The following FAM110B variants were observed in gnomAD, a reference collection of about 807,000 sequenced individuals.
The protein encoded by FAM110B is protein FAM110B.
Under a neutral mutation model 20.4 loss-of-function variants are expected in FAM110B, and 6 were observed. That is an observed-to-expected ratio of 0.29 (90% CI 0.16 to 0.58). The LOEUF is 0.58. Among genes scored for constraint, FAM110B ranks in the 20% least tolerant of loss-of-function variants. FAM110B has a pLI of 0.90. For synonymous variants in FAM110B, 226 were observed against 214.1 expected (o/e 1.06, Z -0.49); for missense variants, 434 against 498.2 (o/e 0.87, Z 1.23).
At chr8:58,012,106 G>C (rs1295899451) in intron 1 of FAM110B, among the ~76,000 whole-genome samples, 1 of 152,152 alleles carries the variant, frequency 6.6e-6, no homozygotes, top group Non-Finnish European at 1.5e-5. Context: ...CAAGTAATTT[G>C]ATTAGAAAGA....
chr8:58,126,466 C>G (rs1406577271), intron 3 of FAM110B, among the ~76,000 whole-genome samples: 1 of 152,168 alleles, frequency 6.6e-6, no homozygotes, highest in African/African-American at 2.4e-5. Context: ...TTTCAAGAAA[C>G]TGCCCAGCTA....
chr8:58,012,455 T>A (rs1804557750), intron 1 of FAM110B, among the ~76,000 whole-genome samples: 1 of 152,156 alleles, frequency 6.6e-6, no homozygotes, highest in Non-Finnish European at 1.5e-5. Flanking sequence ...GTTTTAATCT[T>A]TATTTATTTA....
At chr8:58,051,206 C>A (rs1805434041) in intron 2 of FAM110B, among the ~76,000 whole-genome samples, 1 of 152,156 alleles carries the variant, frequency 6.6e-6, no homozygotes, top group African/African-American at 2.4e-5. Flanking sequence ...AGAAACCAAA[C>A]TGACTCTTGT....
At chr8:58,008,126 A>ATTTT (rs71248160) in intron 1 of FAM110B, among the ~76,000 whole-genome samples, 10 of 115,990 alleles carry the variant, frequency 8.6e-5, no homozygotes, top group South Asian at 3.0e-4. Flanking sequence ...AAAAGCTTGC[A>ATTTT]TTTTTTTTTT....
intron 1 of FAM110B, among the ~76,000 whole-genome samples, chr8:58,018,466 C>T (rs368596246): frequency 1.4e-4 from 22 of 152,088 alleles, no homozygotes; most frequent in African/African-American, 5.3e-4. Context: ...TATATTTTTT[C>T]CATTCCTTTA....
chr8:58,094,577 C>T (rs1271072286), intron 3 of FAM110B, among the ~76,000 whole-genome samples: 6 of 152,184 alleles, frequency 3.9e-5, no homozygotes, highest in Non-Finnish European at 8.8e-5. Flanking sequence ...GTTGAACCGG[C>T]CTTGCATCAC....
At chr8:58,098,720 G>A (rs1429256354) in intron 3 of FAM110B, among the ~76,000 whole-genome samples, 1 of 152,196 alleles carries the variant, frequency 6.6e-6, no homozygotes, top group Admixed American at 6.5e-5. Context: ...AAGACTGTGG[G>A]AAAAGTGTAG....
At chr8:58,094,759 C>G (rs1417036837) in intron 3 of FAM110B, among the ~76,000 whole-genome samples, 1 of 152,170 alleles carries the variant, frequency 6.6e-6, no homozygotes, top group African/African-American at 2.4e-5. Flanking sequence ...TGATGCTGTC[C>G]TCATAAAATG....
intron 1 of FAM110B, among the ~76,000 whole-genome samples, chr8:58,020,176 T>C (rs1200428780): frequency 1.3e-5 from 2 of 152,276 alleles, no homozygotes; most frequent in South Asian, 2.1e-4. Context: ...CTGAAAATGT[T>C]CCATCTCTTC....
chr8:58,121,484 AT>A (rs1373777964), intron 3 of FAM110B, among the ~76,000 whole-genome samples: 1 of 152,156 alleles, frequency 6.6e-6, no homozygotes, highest in East Asian at 1.9e-4. Flanking sequence ...TTTTAAACTC[AT>A]TTTTTGTTTG....
chr8:58,140,085 T>G lies in FAM110B; in HGVS notation c.-324-5822T>G, dbSNP rs191031059. Reference sequence around the variant, plus strand: ...ACTGTAGTTGTAGTTCTGTTTGGCTTAAGCCCAGGGTGCAGAGGAAGAAGG... The same window carrying G: ...ACTGTAGTTGTAGTTCTGTTTGGCTGAAGCCCAGGGTGCAGAGGAAGAAGG... On this transcript the variant is annotated intron_variant, in intron 3 of 3. Transcript: ENST00000519262. Among the ~76,000 whole-genome samples the G allele has an allele frequency of 1.1e-3, 162 of 152,268 alleles. 1 individual carries two copies. Among genetic ancestry groups the G allele is most frequent in the African/African-American group, 3.6e-3 (148 of 41,560 alleles).
At chr8:58,059,971 A>G (rs993172602) in intron 2 of FAM110B, among the ~76,000 whole-genome samples, 1 of 152,094 alleles carries the variant, frequency 6.6e-6, no homozygotes, top group African/African-American at 2.4e-5. Flanking sequence ...CAATTCCTTC[A>G]TGATCATTTA....
intron 1 of FAM110B, among the ~76,000 whole-genome samples, chr8:57,996,419 C>T (rs1804186259): frequency 6.6e-6 from 1 of 152,032 alleles, no homozygotes; most frequent in Non-Finnish European, 1.5e-5. Context: ...AGGTCATGAT[C>T]TATTTTAAGT....
In FAM110B at chr8:57,996,044, A is replaced by ATTAAT. The variant is rs1247087239; in HGVS notation, c.-512+1241_-512+1245dup. 3.3e-5 allele frequency among the ~76,000 whole-genome samples: 5 copies of ATTAAT among 152,322 alleles called. No individual in the cohort carries two copies. The East Asian group carries it at 5.8e-4, about 18-fold the overall frequency. Reference sequence around the variant, plus strand: ...TAGTGATTTCTGGGAAGATACTTGTATTAATTTCTTGTACTCATTTTTGTG... The same window carrying ATTAAT: ...TAGTGATTTCTGGGAAGATACTTGTATTAATTTAATTTCTTGTACTCATTTTTGTG... On this transcript the variant is annotated intron_variant, in intron 1 of 3. Coordinates refer to ENST00000519262, the MANE Select transcript of FAM110B (RefSeq NM_001377989.1).
At chr8:58,036,187 A>C (rs927041751) in intron 2 of FAM110B, among the ~76,000 whole-genome samples, 2 of 152,212 alleles carry the variant, frequency 1.3e-5, no homozygotes, top group Non-Finnish European at 2.9e-5. Flanking sequence ...GAGTGGTTTT[A>C]TCAGTGTCCT....
intron 3 of FAM110B, among the ~76,000 whole-genome samples, chr8:58,099,910 C>A (rs934689107): frequency 6.6e-6 from 1 of 152,134 alleles, no homozygotes; most frequent in Non-Finnish European, 1.5e-5. Flanking sequence ...TTCAGTCACT[C>A]TCTTCAGTCT....
At chr8:58,055,419 T>C (rs1166906725) in intron 2 of FAM110B, among the ~76,000 whole-genome samples, 1 of 152,104 alleles carries the variant, frequency 6.6e-6, no homozygotes, top group Non-Finnish European at 1.5e-5. Context: ...CTATTTGGGG[T>C]TATTTTCCTT....
chr8:58,120,618 G>T (rs1358482340), intron 3 of FAM110B, among the ~76,000 whole-genome samples: 1 of 152,210 alleles, frequency 6.6e-6, no homozygotes, highest in Non-Finnish European at 1.5e-5. Flanking sequence ...CATCCCAGAA[G>T]TGGCTACCCC....
rs547436445 is a variant in FAM110B at position 58,137,962 on chromosome 8, G to C, written c.-324-7945G>C. Among the ~76,000 whole-genome samples, 5 of 152,312 alleles carry C rather than the reference G, an allele frequency of 3.3e-5. No individual in the cohort carries two copies. The South Asian group carries it at 1.0e-3, about 32-fold the overall frequency. On this transcript the variant is annotated intron_variant, in intron 3 of 3. Transcript: ENST00000519262. ...GTTTCTCTTCTCCCAGCTCAGGGCC[G>C]CATTGGCTTGGAGACCCTGTGAAGA...
Sources: allele counts gnomAD v4.1 joint callset (sites outside exome capture counted in the v4.1 genomes callset), GRCh38; gene constraint gnomAD v4.1.1; transcripts MANE v1.5; gene names NCBI Gene and HGNC (gene_info 2026-07-23, HGNC 2026-07-21).